The following GLB1L2 variants were observed in gnomAD, a reference collection of about 807,000 sequenced individuals.
GLB1L2 encodes beta-galactosidase-1-like protein 2.
A neutral mutation model predicts 84.1 loss-of-function variants in GLB1L2; 68 were observed. The observed-to-expected ratio is 0.81, with a 90% CI of 0.67 to 0.99. The LOEUF is 0.99. Among genes scored for constraint, GLB1L2 ranks in the 50% least tolerant of loss-of-function variants. The pLI, the probability that GLB1L2 is intolerant of heterozygous loss-of-function variation, is 0.00. For missense variants in GLB1L2, 762 were observed against 805.6 expected (o/e 0.95, Z 0.66); for synonymous variants, 290 against 318.0 (o/e 0.91, Z 0.94).
At chr11:134,341,061 G>A (rs1372258864) in intron 1 of GLB1L2, among the ~76,000 whole-genome samples, 4 of 152,148 alleles carry the variant, frequency 2.6e-5, no homozygotes, top group Non-Finnish European at 5.9e-5. Flanking sequence ...TAGCACATAA[G>A]CTATATACCA....
At chr11:134,350,020 T>A (rs1359717254) in intron 5 of GLB1L2, among the ~76,000 whole-genome samples, 1 of 152,134 alleles carries the variant, frequency 6.6e-6, no homozygotes, top group Non-Finnish European at 1.5e-5. Context: ...TACTCTTTGC[T>A]CTCCTCTCCT....
chr11:134,339,816 C>G lies in GLB1L2; in HGVS notation c.87-2938C>G, dbSNP rs550529013. Among the ~76,000 whole-genome samples the G allele has an allele frequency of 7.9e-5, 12 of 152,206 alleles. No homozygotes were observed. Among genetic ancestry groups the G allele is most frequent in the African/African-American group, 2.9e-4 (12 of 41,530 alleles). On this transcript the variant is annotated intron_variant, in intron 1 of 18. Transcript: ENST00000535456. This position sits in a 1 kb window ranked among gnomAD's most constrained non-coding sequence, Gnocchi z 5.7. Reference sequence around the variant, plus strand: ...AGGCTTAAGGTTTATGCATTTCTGACAAGCTGCGGATGAAGACCTGGAAAT... The same window carrying G: ...AGGCTTAAGGTTTATGCATTTCTGAGAAGCTGCGGATGAAGACCTGGAAAT...
In GLB1L2 at chr11:134,374,129, T is replaced by A. The variant is rs1292800820; in HGVS notation, c.1596-16T>A. 1 of 1,577,524 alleles carries A rather than the reference T, an allele frequency of 6.3e-7. No individual in the cohort carries two copies. Among genetic ancestry groups the A allele is most frequent in the Non-Finnish European group, 8.7e-7 (1 of 1,146,822 alleles). On this transcript the variant is annotated splice_polypyrimidine_tract_variant and intron_variant, in intron 16 of 18. Coordinates refer to ENST00000535456, the MANE Select transcript of GLB1L2 (RefSeq NM_001370461.1). Reference sequence around the variant, plus strand: ...GAAGGGCCTCCTCCCTCTCCTTCTCTGTGTTCTGTCCTTAGGTTCGGCCTG... The same window carrying A: ...GAAGGGCCTCCTCCCTCTCCTTCTCAGTGTTCTGTCCTTAGGTTCGGCCTG...
In GLB1L2 at chr11:134,368,762, G is replaced by C. The variant is rs1453343387; in HGVS notation, c.1008G>C (p.Lys336Asn). 1.2e-6 allele frequency: 2 copies of C among 1,613,750 alleles called. No individual in the cohort carries two copies. Among genetic ancestry groups the C allele is most frequent in the South Asian group, 2.2e-5 (2 of 91,084 alleles). Residue 336 changes from lysine to asparagine, a missense_variant, in exon 10 of 19, where the codon AAG becomes AAC. Physicochemically the swap from Lys to Asn is moderately conservative, Grantham distance 94. This residue lies in a region of GLB1L2 where 603 missense variants were observed against 611.7 expected (regional missense o/e 0.99). Coordinates refer to ENST00000535456, the MANE Select transcript of GLB1L2 (RefSeq NM_001370461.1). ...MNGAMHFHDY[K>N]SDVTSYDYDA... ...GAGCCATGCACTTCCATGACTACAAGTCAGATGTCACCAGCTATGGCAAGT... is the reference window on the plus strand; with the variant it reads ...GAGCCATGCACTTCCATGACTACAACTCAGATGTCACCAGCTATGGCAAGT...
At chr11:134,345,256 T>C in intron 4 of GLB1L2, 127 bp downstream of exon 4, 1 of 1,170,824 alleles carries the variant, frequency 8.5e-7, no homozygotes, top group Non-Finnish European at 1.2e-6. Flanking sequence ...CTGTACTGAA[T>C]TTCCTTTTCA....
chr11:134,338,553 C>G lies in GLB1L2; in HGVS notation c.87-4201C>G, dbSNP rs1943419517. Among the ~76,000 whole-genome samples, 1 of 152,174 alleles carries G rather than the reference C, an allele frequency of 6.6e-6. No homozygotes were observed. The highest frequency in any genetic ancestry group is 2.1e-4 in the South Asian group (1 of 4,828). The stretch of plus-strand genomic sequence containing the variant: ...AATCTCCTGCCTGCTGGGGCCTGCC[C>G]TGTACCCTTCATCCTCAGGACCCAC... On this transcript the variant is annotated intron_variant, in intron 1 of 18. Coordinates refer to ENST00000535456, the MANE Select transcript of GLB1L2 (RefSeq NM_001370461.1). The surrounding 1 kb of genome is among the most constrained non-coding windows in gnomAD (Gnocchi z 6.2).
rs1039183923 is a variant in GLB1L2 at position 134,339,778 on chromosome 11, T to G, written c.87-2976T>G. Among the ~76,000 whole-genome samples the G allele has an allele frequency of 6.6e-6, 1 of 152,122 alleles. No homozygotes were observed. The highest frequency in any genetic ancestry group is 2.4e-5 in the African/African-American group (1 of 41,428). ...GGTTAGAATGCAGATTTTGATTCAG[T>G]AGGTCTCAAGTAAGGCTTAAGGTTT... On this transcript the variant is annotated intron_variant, in intron 1 of 18. Transcript: ENST00000535456. The surrounding 1 kb of genome is among the most constrained non-coding windows in gnomAD (Gnocchi z 5.7).
intron 7 of GLB1L2, chr11:134,359,946 T>C (rs1943759569): frequency 6.6e-6 from 1 of 152,326 alleles, no homozygotes. Context: ...AGCACCACAC[T>C]TGAAATTGAA....
At chr11:134,362,177 T>C (rs995987586) in intron 7 of GLB1L2, among the ~76,000 whole-genome samples, 1 of 152,260 alleles carries the variant, frequency 6.6e-6, no homozygotes, top group Non-Finnish European at 1.5e-5. Context: ...AGCTTTTATC[T>C]TCCAGTCCTC....
chr11:134,372,087 T>C (rs1175035370), intron 15 of GLB1L2, among the ~76,000 whole-genome samples: 1 of 152,070 alleles, frequency 6.6e-6, no homozygotes, highest in African/African-American at 2.4e-5. Flanking sequence ...TGGCCTCTTG[T>C]CTCCCCTGGG....
In GLB1L2 at chr11:134,351,808, C is replaced by CT. The variant is rs527597940; in HGVS notation, c.558+4379dup. On this transcript the variant is annotated intron_variant, in intron 5 of 18. Coordinates refer to ENST00000535456, the MANE Select transcript of GLB1L2 (RefSeq NM_001370461.1). ...CATCAGGACTGTTAGTCCGTGTTTTCTTTTCTCATAGTGTCTTTTGTTTGT... is the reference window on the plus strand; with the variant it reads ...CATCAGGACTGTTAGTCCGTGTTTTCTTTTTCTCATAGTGTCTTTTGTTTGT... Among the ~76,000 whole-genome samples the CT allele has an allele frequency of 4.6e-5, 7 of 152,216 alleles. No individual in the cohort carries two copies. The East Asian group carries it at 1.4e-3, about 29-fold the overall frequency.
chr11:134,367,210 T>C (rs1334036185), intron 8 of GLB1L2, 47 bp from the exon 9 acceptor site: 1 of 1,527,138 alleles, frequency 6.5e-7, no homozygotes, highest in Non-Finnish European at 9.1e-7. Flanking sequence ...TTCCCTCTTT[T>C]TTGTCTGGCC....
intron 5 of GLB1L2, among the ~76,000 whole-genome samples, chr11:134,350,333 G>A (rs966889711): frequency 2.0e-5 from 3 of 152,196 alleles, no homozygotes; most frequent in Non-Finnish European, 2.9e-5. Context: ...GGCTAGGGCT[G>A]GTCCAAATGC....
chr11:134,344,486 C>CCA (rs753096970), intron 3 of GLB1L2, 31 bp downstream of exon 3: 2 of 1,570,708 alleles, frequency 1.3e-6, no homozygotes, highest in East Asian at 2.3e-5. Flanking sequence ...TGTGAACTGG[C>CCA]CAGGGGCAGG....
At position 134,334,515 on chromosome 11, in the gene GLB1L2, G is replaced by C. The variant is rs1278949807; in HGVS notation, c.86+2368G>C. Among the ~76,000 whole-genome samples, 1 of 151,594 alleles carries C rather than the reference G, an allele frequency of 6.6e-6. No homozygotes were observed. Among genetic ancestry groups the C allele is most frequent in the Non-Finnish European group, 1.5e-5 (1 of 67,950 alleles). ...TCTTTCTTAAAAATTACCTTTATTG[G>C]AGTTTAATTAATATGTACAATTTGA... On this transcript the variant is annotated intron_variant, in intron 1 of 18. Transcript: ENST00000535456. The surrounding 1 kb of genome is among the most constrained non-coding windows in gnomAD (Gnocchi z 4.1).
At chr11:134,356,542 A>G (rs1197135722) in intron 6 of GLB1L2, 149 bp downstream of exon 6, 2 of 603,556 alleles carry the variant, frequency 3.3e-6, no homozygotes, top group Non-Finnish European at 5.8e-6. Flanking sequence ...TTTTATTTCA[A>G]CAGGGTTGTC....
At chr11:134,361,803 G>T (rs76057745) in intron 7 of GLB1L2, among the ~76,000 whole-genome samples, 1 of 152,086 alleles carries the variant, frequency 6.6e-6, no homozygotes. Context: ...GCTTCCTGGA[G>T]TTCCAGGAAA....
At chr11:134,332,972 ATGAAC>A (rs1943326669) in intron 1 of GLB1L2, among the ~76,000 whole-genome samples, 3 of 152,210 alleles carry the variant, frequency 2.0e-5, no homozygotes, top group African/African-American at 7.2e-5. Flanking sequence ...GCAGTATCGA[ATGAAC>A]TGAACGGTTG....
chr11:134,342,704 C>G, intron 1 of GLB1L2, 50 bp from the exon 2 acceptor site: 1 of 1,556,970 alleles, frequency 6.4e-7, no homozygotes, highest in Non-Finnish European at 8.7e-7. Flanking sequence ...GGAAGCCGAT[C>G]TCTCTGCGGC....
Sources: gnomAD v4.1 joint callset for allele counts (sites outside exome capture counted in the v4.1 genomes callset) on GRCh38, gnomAD v4.1.1 for gene constraint, gnomAD v4.1.1 regional missense constraint, Gnocchi (gnomAD v3.1) non-coding constraint, MANE v1.5 for transcripts, NCBI Gene and HGNC (gene_info 2026-07-23, HGNC 2026-07-21) for gene names.